The following ZZEF1 variants were observed in gnomAD, a reference collection of about 807,000 sequenced individuals.
ZZEF1 encodes the protein zinc finger ZZ-type and EF-hand domain-containing protein 1.
Under a neutral mutation model 342.8 loss-of-function variants are expected in ZZEF1, and 157 were observed. The observed-to-expected ratio is 0.46, with a 90% CI of 0.40 to 0.52. The LOEUF (loss-of-function observed/expected upper bound fraction) is 0.52. Ranked by LOEUF, ZZEF1 falls within the 20% of genes least tolerant of loss-of-function variation. ZZEF1 has a pLI of 0.00. For synonymous variants in ZZEF1, 1,505 were observed against 1,429.1 expected (o/e 1.05, Z -1.20); for missense variants, 3,480 against 3,725.6 (o/e 0.93, Z 1.72).
At chr17:4,090,399 G>C (rs1399472728) in intron 12 of ZZEF1, among the ~76,000 whole-genome samples, 1 of 149,944 alleles carries the variant, frequency 6.7e-6, no homozygotes, top group Non-Finnish European at 1.5e-5. Flanking sequence ...TATTCTCTCA[G>C]CCTGAGACGC....
In ZZEF1 at chr17:4,006,622, G is replaced by C. The variant is rs921053439; in HGVS notation, c.*268C>G. ...CAGTGACAGCCTCTGGAGAAGGCTG[G>C]TCTCTGAACCTTCTTAAGGGCCCCC... On this transcript the variant is annotated 3_prime_UTR_variant, in exon 55 of 55. Coordinates refer to ENST00000381638, the MANE Select transcript of ZZEF1 (RefSeq NM_015113.4). The C allele has an allele frequency of 8.0e-6, 4 of 497,552 alleles. No homozygotes were observed. Among genetic ancestry groups the C allele is most frequent in the South Asian group, 6.2e-5 (3 of 48,170 alleles). The allele number at this position is 497,552 out of a possible 1,614,324, so 30.8% of individuals were successfully genotyped here. A position where few individuals can be genotyped will look rare whatever the true frequency, so the allele number is the denominator to read the frequency against.
At chr17:4,025,707 CAT>C (rs926267113) in intron 42 of ZZEF1, among the ~76,000 whole-genome samples, 1 of 150,620 alleles carries the variant, frequency 6.6e-6, no homozygotes, top group Admixed American at 6.6e-5. Context: ...AATTAGTACA[CAT>C]GAGATTTCCA....
intron 45 of ZZEF1, 82 bp from the exon 46 acceptor site, chr17:4,019,851 A>T: frequency 9.7e-7 from 1 of 1,026,972 alleles, no homozygotes; most frequent in East Asian, 2.7e-5. Flanking sequence ...AAAACTGAGA[A>T]GACAATATAG....
At chr17:4,124,218 T>TG (rs1284792510) in intron 1 of ZZEF1, among the ~76,000 whole-genome samples, 167 bp from the exon 2 acceptor site, 2 of 152,222 alleles carry the variant, frequency 1.3e-5, no homozygotes, top group African/African-American at 2.4e-5. Context: ...AGGAACTCAC[T>TG]GCGCTTTGTA....
Position 4,017,531 on chromosome 17 carries a change from G to A in ZZEF1, c.7841C>T (p.Thr2614Ile). The change falls in exon 48 of 55, where the codon ACA (threonine) becomes ATA (isoleucine). Residue 2614 changes from threonine (T) to isoleucine (I), a missense_variant. Transcript: ENST00000381638. This position sits in a 1 kb window ranked among gnomAD's most constrained non-coding sequence, Gnocchi z 5.1. ...RDYLFRVNEA[T>I]AVLYARHVLA... ...CACGTGGCGGGCGTACAGGACAGCT[G>A]TGGCCTCGTTCACTCGGAAGAGGTA... The A allele has an allele frequency of 6.2e-7, 1 of 1,614,274 alleles. No homozygotes were observed. The highest frequency in any genetic ancestry group is 8.5e-7 in the Non-Finnish European group (1 of 1,180,040).
chr17:4,020,833 T>A (rs1401466332), intron 45 of ZZEF1, among the ~76,000 whole-genome samples: 1 of 152,242 alleles, frequency 6.6e-6, no homozygotes, highest in Non-Finnish European at 1.5e-5. Flanking sequence ...CTTAGGGCTT[T>A]AGTAAGCCCT....
chr17:4,135,712 G>A (rs1243053973), intron 1 of ZZEF1, among the ~76,000 whole-genome samples: 1 of 152,104 alleles, frequency 6.6e-6, no homozygotes, highest in African/African-American at 2.4e-5. Context: ...GCAGATCACT[G>A]ATAACAGCGA....
At chr17:4,119,851 TAG>T (rs561713329) in intron 2 of ZZEF1, among the ~76,000 whole-genome samples, 1 of 151,192 alleles carries the variant, frequency 6.6e-6, no homozygotes, top group Non-Finnish European at 1.5e-5. Context: ...GTATCATGTA[TAG>T]AGTCACTAAA....
At chr17:4,068,902 A>T (rs373681926) in intron 26 of ZZEF1, among the ~76,000 whole-genome samples, 2 of 152,252 alleles carry the variant, frequency 1.3e-5, no homozygotes, top group East Asian at 3.8e-4. Context: ...GACCATTCTC[A>T]AAGTAGTTCA....
Position 4,124,049 on chromosome 17 carries a change from G to A in ZZEF1, c.357C>T (p.Ala119=), listed in dbSNP as rs754048778. 5 of 1,609,822 alleles carry A rather than the reference G, an allele frequency of 3.1e-6. No homozygotes were observed. The highest frequency in any genetic ancestry group is 1.1e-5 in the South Asian group (1 of 90,422). ...AGCSSEQFEE[A]FAQFDAEGDG... ...CACCCTCAGCATCAAACTGGGCAAAGGCCTACAAGATAAGAGATGCAAGAA... is the reference window on the plus strand; with the variant it reads ...CACCCTCAGCATCAAACTGGGCAAAAGCCTACAAGATAAGAGATGCAAGAA... Residue 119 remains alanine, a splice_region_variant and synonymous_variant, in exon 2 of 55, where the codon GCC becomes GCT. Coordinates refer to ENST00000381638, the MANE Select transcript of ZZEF1 (RefSeq NM_015113.4).
intron 54 of ZZEF1, among the ~76,000 whole-genome samples, 195 bp from the exon 55 acceptor site, chr17:4,007,165 A>G (rs1191169263): frequency 6.6e-6 from 1 of 152,214 alleles, no homozygotes; most frequent in East Asian, 1.9e-4. Flanking sequence ...CTCCAAATGT[A>G]GGTAGGAATC....
At position 4,117,029 on chromosome 17, in the gene ZZEF1, T is replaced by G; in HGVS notation, c.637A>C (p.Thr213Pro). The change falls in exon 3 of 55, where the codon ACC becomes CCC. Residue 213 changes from threonine (T) to proline (P), a missense_variant. Transcript: ENST00000381638. Reference protein sequence around the residue: ...PMLEHCNNMCTMRSSVLKESL... With the variant: ...PMLEHCNNMCPMRSSVLKESL... ...TCCTTCAGGACGGAAGACCGCATGG[T>G]GCACATGTTATTGCAGTGCTCCAGC... 1 of 1,614,050 alleles carries G rather than the reference T, an allele frequency of 6.2e-7. No individual in the cohort carries two copies. The highest frequency in any genetic ancestry group is 8.5e-7 in the Non-Finnish European group (1 of 1,179,918).
chr17:4,112,645 C>G lies in ZZEF1; in HGVS notation c.1030G>C (p.Val344Leu). ...VHIPSNVTGY[V>L]TLLENANVSQ... ...ACGTTGGCATTTTCCAGCAGCGTCA[C>G]ATAGCCAGTGACATTGCTGGGGATG... The change falls in exon 5 of 55, where the codon GTG (valine) becomes CTG (leucine). Residue 344 changes from valine to leucine, a missense_variant. Val to Leu is a conservative substitution (Grantham distance 32, BLOSUM62 1). Coordinates refer to ENST00000381638, the MANE Select transcript of ZZEF1 (RefSeq NM_015113.4). 6.2e-7 allele frequency: 1 copy of G among 1,614,220 alleles called. No individual in the cohort carries two copies. Among genetic ancestry groups the G allele is most frequent in the Non-Finnish European group, 8.5e-7 (1 of 1,180,046 alleles).
chr17:4,034,816 G>C (rs1349724175), intron 39 of ZZEF1, among the ~76,000 whole-genome samples: 1 of 152,156 alleles, frequency 6.6e-6, no homozygotes, highest in Admixed American at 6.5e-5. Context: ...GGGCAACATA[G>C]TGAGACCCTG....
At chr17:4,138,343 T>C (rs1295500376) in intron 1 of ZZEF1, among the ~76,000 whole-genome samples, 1 of 152,210 alleles carries the variant, frequency 6.6e-6, no homozygotes, top group Non-Finnish European at 1.5e-5. Flanking sequence ...TTTCACATAA[T>C]AATATGAAGA....
chr17:4,049,296 G>A (rs2056993636), intron 37 of ZZEF1, among the ~76,000 whole-genome samples: 2 of 152,118 alleles, frequency 1.3e-5, no homozygotes, highest in Non-Finnish European at 2.9e-5. Flanking sequence ...AAGATCACTT[G>A]AGCCCAGGAG....
At chr17:4,026,789 G>C (rs941618088) in intron 42 of ZZEF1, among the ~76,000 whole-genome samples, 3 of 151,834 alleles carry the variant, frequency 2.0e-5, no homozygotes, top group Non-Finnish European at 2.9e-5. Context: ...CAAAGTGCTG[G>C]GATTACAGGT....
At chr17:4,021,512 T>C (rs577812276) in intron 44 of ZZEF1, among the ~76,000 whole-genome samples, 192 bp from the exon 45 acceptor site, 2 of 152,228 alleles carry the variant, frequency 1.3e-5, no homozygotes, top group African/African-American at 2.4e-5. Flanking sequence ...AACTGAACAC[T>C]ATGGGAACCT....
At chr17:4,063,822 A>G (rs1052104500) in intron 29 of ZZEF1, among the ~76,000 whole-genome samples, 2 of 150,958 alleles carry the variant, frequency 1.3e-5, no homozygotes, top group African/African-American at 2.4e-5. Flanking sequence ...CTGCCTTCCA[A>G]CTTTGAGCAA....
Sources: gnomAD v4.1 joint callset for allele counts (sites outside exome capture counted in the v4.1 genomes callset) on GRCh38, gnomAD v4.1.1 for gene constraint, Gnocchi (gnomAD v3.1) non-coding constraint, MANE v1.5 for transcripts, NCBI Gene and HGNC (gene_info 2026-07-23, HGNC 2026-07-21) for gene names.